The following PRKG1 variants were observed in gnomAD, a reference collection of about 807,000 sequenced individuals.
The protein encoded by PRKG1 is protein kinase cGMP-dependent 1.
Under a neutral mutation model 88.1 loss-of-function variants are expected in PRKG1, and 35 were observed. The observed-to-expected ratio is 0.40, with a 90% confidence interval of 0.30 to 0.53. The LOEUF (loss-of-function observed/expected upper bound fraction) is 0.53, where lower values mean the gene tolerates loss of function less well. Ranked by LOEUF, PRKG1 falls within the 20% of genes least tolerant of loss-of-function variation. The probability of loss-of-function intolerance (pLI) is 0.59; values close to 1 mark genes in which losing one functional copy is unlikely to be tolerated. For synonymous variants in PRKG1, 303 were observed against 292.5 expected (o/e 1.04, Z -0.37); for missense variants, 540 against 839.8 (o/e 0.64, Z 4.41).
At chr10:51,160,932 A>C (rs1846344308) in intron 2 of PRKG1, among the ~76,000 whole-genome samples, 1 of 151,728 alleles carries the variant, frequency 6.6e-6, no homozygotes, top group African/African-American at 2.4e-5. Context: ...ATGAAGGTAC[A>C]TTCATAGCTT....
At chr10:52,158,945 A>G (rs1239737983) in intron 8 of PRKG1, among the ~76,000 whole-genome samples, 1 of 151,574 alleles carries the variant, frequency 6.6e-6, no homozygotes, top group Non-Finnish European at 1.5e-5. Context: ...AGCTACTAAA[A>G]TATTGCTTAA....
chr10:51,847,840 TAAAAAAAAAAAAAAAAAAAAAAAA>T (rs766423513), intron 4 of PRKG1, among the ~76,000 whole-genome samples: 2 of 35,200 alleles, frequency 5.7e-5, no homozygotes, highest in Non-Finnish European at 1.1e-4. Flanking sequence ...AAGACTCTGT[TAAAAAAAAAAAAAAAAAAAAAAAA>T]AAAAAAAAAA....
intron 2 of PRKG1, among the ~76,000 whole-genome samples, chr10:51,425,682 C>T (rs1243218280): frequency 6.6e-6 from 1 of 152,144 alleles, no homozygotes. Context: ...CTAGTTTCAG[C>T]TTCTGCCAAG....
chr10:51,125,094 G>A (rs931966917), intron 1 of PRKG1, among the ~76,000 whole-genome samples: 3 of 152,142 alleles, frequency 2.0e-5, no homozygotes, highest in African/African-American at 7.2e-5. Context: ...AAGGCAGGTG[G>A]ATTCCTTGAG....
intron 5 of PRKG1, among the ~76,000 whole-genome samples, chr10:51,982,689 G>T (rs886594184): frequency 4.0e-5 from 6 of 150,992 alleles, no homozygotes; most frequent in Admixed American, 6.6e-5. Flanking sequence ...TGTGCTGGGG[G>T]TGCTGAGGTG....
chr10:51,832,832 A>T (rs938052543), intron 4 of PRKG1, among the ~76,000 whole-genome samples: 46 of 152,298 alleles, frequency 3.0e-4, no homozygotes, highest in African/African-American at 1.1e-3. Flanking sequence ...CATGATGATC[A>T]AATATTGTCT....
At chr10:51,335,066 C>T (rs1227797860) in intron 2 of PRKG1, among the ~76,000 whole-genome samples, 1 of 124,632 alleles carries the variant, frequency 8.0e-6, no homozygotes, top group African/African-American at 3.2e-5. Flanking sequence ...AGTTGGAGTG[C>T]AGTGGCCCTA....
At chr10:52,279,279 C>T (rs2132445185) in intron 12 of PRKG1, among the ~76,000 whole-genome samples, 1 of 152,228 alleles carries the variant, frequency 6.6e-6, no homozygotes, top group South Asian at 2.1e-4. Context: ...TCATTTGTTT[C>T]CTCATATGGA....
upstream of PRKG1, chr10:51,074,288 C>T: frequency 2.8e-6 from 1 of 354,112 alleles, no homozygotes; most frequent in East Asian, 5.9e-5. Context: ...GCCTCCGACT[C>T]TTCTCCCCCG....
At chr10:51,527,365 G>C (rs1289938576) in intron 3 of PRKG1, among the ~76,000 whole-genome samples, 1 of 151,844 alleles carries the variant, frequency 6.6e-6, no homozygotes, top group African/African-American at 2.4e-5. Flanking sequence ...AATTAAACTA[G>C]ATAATCAAAT....
chr10:52,153,624 G>A (rs1838002713), intron 8 of PRKG1, among the ~76,000 whole-genome samples: 1 of 152,158 alleles, frequency 6.6e-6, no homozygotes, highest in African/African-American at 2.4e-5. Context: ...GCTGTTTTAT[G>A]TTTTGTTTAA....
At chr10:51,581,724 A>C (rs1026534167) in intron 3 of PRKG1, among the ~76,000 whole-genome samples, 1 of 151,836 alleles carries the variant, frequency 6.6e-6, no homozygotes, top group Non-Finnish European at 1.5e-5. Context: ...GGAGCATTTC[A>C]TCTTTTATTC....
At chr10:51,185,160 C>T (rs1237104054) in intron 2 of PRKG1, among the ~76,000 whole-genome samples, 3 of 152,024 alleles carry the variant, frequency 2.0e-5, no homozygotes, top group African/African-American at 7.2e-5. Context: ...AGTCTTGGAT[C>T]TGAAAAAGTT....
At chr10:51,009,755 T>C (rs1448058750) in intron 1 of PRKG1, among the ~76,000 whole-genome samples, 1 of 152,236 alleles carries the variant, frequency 6.6e-6, no homozygotes, top group Non-Finnish European at 1.5e-5. Context: ...AGAATCCAGA[T>C]TTCTGGGAAT....
At chr10:52,052,364 C>T (rs1355720190) in intron 5 of PRKG1, among the ~76,000 whole-genome samples, 1 of 151,450 alleles carries the variant, frequency 6.6e-6, no homozygotes, top group Non-Finnish European at 1.5e-5. Context: ...CACTTGAGCC[C>T]AGGAGTTTGA....
At chr10:52,292,113 T>G (rs1054107671) in intron 17 of PRKG1, among the ~76,000 whole-genome samples, 3 of 151,854 alleles carry the variant, frequency 2.0e-5, no homozygotes, top group Non-Finnish European at 2.9e-5. Context: ...GGGTTGTTTG[T>G]TTTTTTTCTT....
chr10:51,458,285 G>C (rs533137086), intron 2 of PRKG1, among the ~76,000 whole-genome samples: 1 of 152,126 alleles, frequency 6.6e-6, no homozygotes, highest in African/African-American at 2.4e-5. Context: ...TTGATACTTT[G>C]AATTATTGTT....
intron 2 of PRKG1, among the ~76,000 whole-genome samples, chr10:51,337,895 C>A (rs1225846720): frequency 6.6e-6 from 1 of 152,146 alleles, no homozygotes; most frequent in Non-Finnish European, 1.5e-5. Flanking sequence ...AATCCCATTG[C>A]TGGATATAAG....
intron 2 of PRKG1, among the ~76,000 whole-genome samples, chr10:51,447,968 T>C (rs1308476696): frequency 6.6e-6 from 1 of 152,074 alleles, no homozygotes; most frequent in Non-Finnish European, 1.5e-5. Context: ...TCTAATATTT[T>C]TGAGGGAATT....
Sources: allele counts gnomAD v4.1 joint callset (sites outside exome capture counted in the v4.1 genomes callset), GRCh38; gene constraint gnomAD v4.1.1; transcripts MANE v1.5; gene names NCBI Gene and HGNC (gene_info 2026-07-23, HGNC 2026-07-21).